Variants in STK4 observed in about 807,000 individuals in gnomAD.
STK4 encodes serine/threonine-protein kinase 4.
Under a neutral mutation model 64.9 loss-of-function variants are expected in STK4, and 30 were observed. That is an observed-to-expected ratio of 0.46 (90% confidence interval 0.35 to 0.63). The LOEUF is 0.63. Ranked by LOEUF, STK4 falls within the 20% of genes least tolerant of loss-of-function variation. The pLI is 0.01. For missense variants in STK4, 466 were observed against 598.5 expected, an observed-to-expected ratio of 0.78 and a Z score of 2.31; for synonymous variants, 177 against 199.0, an observed-to-expected ratio of 0.89 and a Z score of 0.93.
At chr20:45,005,825 CT>C (rs745338614) in intron 9 of STK4, among the ~76,000 whole-genome samples, 1 of 151,938 alleles carries the variant, frequency 6.6e-6, no homozygotes, top group African/African-American at 2.4e-5. Flanking sequence ...GGGTAGCAAA[CT>C]TTTATAATTT....
rs1044795021 is a variant in STK4 at position 45,079,588 on chromosome 20, T to A, written c.*4412T>A. Reference sequence around the variant, plus strand: ...TTTGGAATACATGTTCTTGTTTGTGTTTGGAAAAAAAATCTCTTTTACCAG... The same window carrying A: ...TTTGGAATACATGTTCTTGTTTGTGATTGGAAAAAAAATCTCTTTTACCAG... On this transcript the variant is annotated 3_prime_UTR_variant, in exon 11 of 11. Transcript: ENST00000372806. 1 of 152,596 alleles carries A rather than the reference T, an allele frequency of 6.6e-6. No homozygotes were observed. Among genetic ancestry groups the A allele is most frequent in the Non-Finnish European group, 1.5e-5 (1 of 68,022 alleles). 9.5% of individuals were successfully genotyped at this position (152,596 alleles called of 1,614,324 possible).
intron 9 of STK4, among the ~76,000 whole-genome samples, chr20:45,012,930 T>C (rs1295419190): frequency 6.9e-6 from 1 of 144,452 alleles, no homozygotes; most frequent in African/African-American, 2.6e-5. Context: ...ACCACAGGCA[T>C]GTGCCACCAC....
At chr20:45,067,137 G>T (rs1568770440) in intron 10 of STK4, among the ~76,000 whole-genome samples, 1 of 152,066 alleles carries the variant, frequency 6.6e-6, no homozygotes, top group Non-Finnish European at 1.5e-5. Flanking sequence ...CACTTTTCCG[G>T]ACTTTCTAGT....
chr20:45,033,135 T>G (rs1299924700), intron 10 of STK4, among the ~76,000 whole-genome samples: 2 of 152,218 alleles, frequency 1.3e-5, no homozygotes, highest in African/African-American at 4.8e-5. Context: ...TTTTTACTTG[T>G]TAATTTGTTT....
At chr20:45,051,068 A>G (rs1431691497) in intron 10 of STK4, among the ~76,000 whole-genome samples, 1 of 152,186 alleles carries the variant, frequency 6.6e-6, no homozygotes, top group Non-Finnish European at 1.5e-5. Flanking sequence ...TTCCACTTCA[A>G]ACTCTGAGTT....
At chr20:44,996,865 C>T (rs1176810842) in intron 6 of STK4, among the ~76,000 whole-genome samples, 3 of 151,884 alleles carry the variant, frequency 2.0e-5, no homozygotes, top group South Asian at 2.1e-4. Context: ...TCTTAGGTCT[C>T]GCCTTTCTAC....
chr20:45,027,796 T>G (rs1423145708), intron 10 of STK4, among the ~76,000 whole-genome samples: 1 of 152,102 alleles, frequency 6.6e-6, no homozygotes, highest in African/African-American at 2.4e-5. Flanking sequence ...CTAACCGTCA[T>G]TCTACACTCT....
At chr20:45,006,253 G>GTATTTATTTATTTATTTATT (rs71197590) in intron 9 of STK4, among the ~76,000 whole-genome samples, 3 of 146,802 alleles carry the variant, frequency 2.0e-5, no homozygotes, top group African/African-American at 7.5e-5. Flanking sequence ...TGTTTCGGAT[G>GTATTTATTTATTTATTTATT]TATTTATTTA....
At chr20:45,073,092 A>G (rs973747014) in intron 10 of STK4, among the ~76,000 whole-genome samples, 2 of 152,202 alleles carry the variant, frequency 1.3e-5, no homozygotes, top group Non-Finnish European at 2.9e-5. Flanking sequence ...GATCCCAAAG[A>G]TTACATTCTT....
chr20:45,001,579 C>A (rs771281651), intron 9 of STK4, among the ~76,000 whole-genome samples: 2 of 152,138 alleles, frequency 1.3e-5, no homozygotes, highest in Admixed American at 6.5e-5. Context: ...AAGAATTTTG[C>A]TTTTGAACCA....
At position 44,981,840 on chromosome 20, in the gene STK4, T is replaced by G; in HGVS notation, c.257T>G (p.Val86Gly). 1 of 1,610,362 alleles carries G rather than the reference T, an allele frequency of 6.2e-7. No individual in the cohort carries two copies. Among genetic ancestry groups the G allele is most frequent in the Non-Finnish European group, 8.5e-7 (1 of 1,176,642 alleles). Residue 86 changes from valine to glycine, a missense_variant, in exon 4 of 11, where the codon GTC becomes GGC. Val to Gly is a moderately radical substitution (Grantham distance 109). Around this residue, in one of 2 missense-constraint regions of STK4, gnomAD observed 190 missense variants for 289.7 expected, o/e 0.66. Transcript: ENST00000372806. ...IMQQCDSPHV[V>G]KYYGSYFKNT... is the part of the protein sequence containing the mutation. ...CTCTCTCTCTCTAGCCCTCATGTAG[T>G]CAAATATTATGGCAGTTATTTTAAG...
intron 9 of STK4, among the ~76,000 whole-genome samples, chr20:45,003,712 A>ATTT (rs750273528): frequency 8.1e-5 from 11 of 136,070 alleles, no homozygotes; most frequent in South Asian, 2.3e-4. Context: ...ACGTCTCTAA[A>ATTT]TTTTTTTTTT....
At chr20:45,000,238 A>C (rs367885122) in intron 7 of STK4, among the ~76,000 whole-genome samples, 154 bp from the exon 8 acceptor site, 1 of 152,330 alleles carries the variant, frequency 6.6e-6, no homozygotes, top group East Asian at 1.9e-4. Context: ...TTATAAAGCG[A>C]GTGTGGTTTA....
At chr20:45,074,810 GGGATAAATTAT>G (rs1980382263) in intron 10 of STK4, among the ~76,000 whole-genome samples, 197 bp from the exon 11 acceptor site, 1 of 152,116 alleles carries the variant, frequency 6.6e-6, no homozygotes, top group African/African-American at 2.4e-5. Context: ...ATCTCTTCCA[GGGATAAATTAT>G]CTCAGACAAG....
chr20:44,972,314 A>G, intron 2 of STK4, 156 bp downstream of exon 2: 4 of 625,850 alleles, frequency 6.4e-6, no homozygotes, highest in Admixed American at 2.8e-5. Context: ...TCCAATCCCT[A>G]TTATAGACAG....
At chr20:44,967,936 T>C (rs765465829) in intron 1 of STK4, among the ~76,000 whole-genome samples, 11 of 152,236 alleles carry the variant, frequency 7.2e-5, no homozygotes, top group East Asian at 1.9e-4. Context: ...AAATTGCTGA[T>C]ATTTGACCAT....
chr20:45,055,982 C>T lies in STK4; in HGVS notation c.1306-19036C>T, dbSNP rs535928950. Among the ~76,000 whole-genome samples, 6 of 152,300 alleles carry T rather than the reference C, an allele frequency of 3.9e-5. No individual in the cohort carries two copies. In the East Asian group the frequency reaches 9.6e-4, roughly 24 times the overall value. On this transcript the variant is annotated intron_variant, in intron 10 of 10. Transcript: ENST00000372806. The stretch of plus-strand genomic sequence containing the variant: ...TCCTGACCTCATGATCTGCCTGCCT[C>T]GGCCTCTTAAAGTGTTGGGATTACC...
chr20:45,075,034 T>A lies in STK4; in HGVS notation c.1322T>A (p.Val441Glu), dbSNP rs758520609. ...CTCTTCTAGCTTAAGAGTTGGACAG[T>A]GGAGGACCTTCAGAAGAGGCTCTTG... Reference protein sequence around the residue: ...GDYEFLKSWTVEDLQKRLLAL... With the variant: ...GDYEFLKSWTEEDLQKRLLAL... Residue 441 changes from valine (V) to glutamate (E), a missense_variant, in exon 11 of 11, where the codon GTG (valine) becomes GAG (glutamate). Physicochemically the swap from Val to Glu is moderately radical, Grantham distance 121. Coordinates refer to ENST00000372806, the MANE Select transcript of STK4 (RefSeq NM_006282.5). 1 of 1,614,186 alleles carries A rather than the reference T, an allele frequency of 6.2e-7. No homozygotes were observed. The highest frequency in any genetic ancestry group is 1.3e-5 in the African/African-American group (1 of 75,044).
At chr20:45,050,758 A>G (rs6073613) in intron 10 of STK4, among the ~76,000 whole-genome samples, 18,900 of 151,974 alleles carry the variant, frequency 0.12, 1,537 homozygotes, top group East Asian at 0.22. Context: ...ATTTTTATAT[A>G]TTTTGATTTA....
Sources: allele counts gnomAD v4.1 joint callset (sites outside exome capture counted in the v4.1 genomes callset), GRCh38; gene constraint gnomAD v4.1.1; regional missense constraint gnomAD v4.1.1; transcripts MANE v1.5; gene names NCBI Gene and HGNC (gene_info 2026-07-23, HGNC 2026-07-21).